Variants in TPST2 observed in about 807,000 individuals in gnomAD.
The protein encoded by TPST2 is protein-tyrosine sulfotransferase 2.
Under a neutral mutation model 27.8 loss-of-function variants are expected in TPST2, and 16 were observed. That is an observed-to-expected ratio of 0.58 (90% CI 0.39 to 0.88). TPST2 has a LOEUF of 0.88. Ranked by LOEUF, TPST2 falls within the 40% of genes least tolerant of loss-of-function variation. The pLI, the probability that TPST2 is intolerant of heterozygous loss-of-function variation, is 0.00. For synonymous variants in TPST2, 229 were observed against 231.7 expected, an observed-to-expected ratio of 0.99 and a Z score of 0.10; for missense variants, 464 against 543.1, an observed-to-expected ratio of 0.85 and a Z score of 1.45.
intron 1 of TPST2, among the ~76,000 whole-genome samples, chr22:26,570,458 A>G (rs1465749687): frequency 6.6e-6 from 1 of 152,076 alleles, no homozygotes; most frequent in Non-Finnish European, 1.5e-5. Context: ...CTTTCTCTAC[A>G]GCCCCATGAA....
intron 1 of TPST2, among the ~76,000 whole-genome samples, chr22:26,579,707 T>C (rs546127693): frequency 1.3e-5 from 2 of 151,902 alleles, no homozygotes; most frequent in Admixed American, 6.6e-5. Context: ...GGCACCTGTG[T>C]GGGCTTGGGG....
At chr22:26,585,997 C>T (rs1252103927) in intron 1 of TPST2, among the ~76,000 whole-genome samples, 1 of 152,214 alleles carries the variant, frequency 6.6e-6, no homozygotes, top group Non-Finnish European at 1.5e-5. Flanking sequence ...GAGCCGAGAT[C>T]ACGCCACTGC....
At chr22:26,563,559 G>A (rs1927229975) in intron 1 of TPST2, among the ~76,000 whole-genome samples, 1 of 151,878 alleles carries the variant, frequency 6.6e-6, no homozygotes, top group Non-Finnish European at 1.5e-5. Context: ...TCAATCTCCT[G>A]ACCTTGTGAT....
chr22:26,535,579 G>C (rs577874344), intron 4 of TPST2, among the ~76,000 whole-genome samples: 1 of 152,324 alleles, frequency 6.6e-6, no homozygotes, highest in African/African-American at 2.4e-5. Flanking sequence ...AGGAGTTCTA[G>C]ACCAGCCTGG....
intron 3 of TPST2, among the ~76,000 whole-genome samples, chr22:26,538,858 G>C (rs1925633853): frequency 6.6e-6 from 1 of 152,138 alleles, no homozygotes; most frequent in African/African-American, 2.4e-5. Flanking sequence ...TGCTACCAAA[G>C]AGTGCTGGCT....
At chr22:26,544,703 AGGGAT>A in intron 1 of TPST2, 28 bp from the exon 2 acceptor site, 2 of 984,814 alleles carry the variant, frequency 2.0e-6, no homozygotes, top group Non-Finnish European at 2.4e-6. Context: ...ATATTGCATC[AGGGAT>A]GGGCACTGTG....
chr22:26,580,909 G>A (rs1310115878), intron 1 of TPST2, among the ~76,000 whole-genome samples: 1 of 152,046 alleles, frequency 6.6e-6, no homozygotes, highest in African/African-American at 2.4e-5. Flanking sequence ...GCAGCCTCCA[G>A]GGCAAAATTC....
chr22:26,555,335 G>C, intron 1 of TPST2: 1 of 504,932 alleles, frequency 2.0e-6, no homozygotes, highest in South Asian at 1.4e-5. Flanking sequence ...CCTGGGCCAG[G>C]CTCAGGAATG....
intron 1 of TPST2, among the ~76,000 whole-genome samples, chr22:26,589,721 C>A (rs1928480517): frequency 6.6e-6 from 1 of 152,094 alleles, no homozygotes; most frequent in Non-Finnish European, 1.5e-5. Context: ...GCGCCGCCCT[C>A]CCCCCCAGTC....
intron 1 of TPST2, among the ~76,000 whole-genome samples, chr22:26,564,531 A>G (rs951121069): frequency 1.3e-5 from 2 of 152,176 alleles, no homozygotes; most frequent in Admixed American, 6.5e-5. Flanking sequence ...TGAGTCCCCA[A>G]CTTTGCTCTC....
In TPST2 at chr22:26,541,050, G is replaced by T; in HGVS notation, c.581C>A (p.Thr194Lys). 1 of 1,613,870 alleles carries T rather than the reference G, an allele frequency of 6.2e-7. No homozygotes were observed. Among genetic ancestry groups the T allele is most frequent in the South Asian group, 1.1e-5 (1 of 91,086 alleles). ...DGRASVHSMI[T>K]RKVTIAGFDL... ...AAAGCCCGCAATGGTGACTTTGCGC[G>T]TGATCATGGAGTGCACGGAGGCCCG... The change falls in exon 3 of 7, where the codon ACG becomes AAG. Residue 194 changes from threonine (T) to lysine (K), a missense_variant. Transcript: ENST00000338754. This position sits in a 1 kb window ranked among gnomAD's most constrained non-coding sequence, Gnocchi z 5.9.
chr22:26,587,861 G>A (rs1928401766), intron 1 of TPST2, among the ~76,000 whole-genome samples: 2 of 152,082 alleles, frequency 1.3e-5, no homozygotes, highest in African/African-American at 4.8e-5. Flanking sequence ...GGGAGCCTGA[G>A]GTAGGAGGAT....
At chr22:26,534,531 G>T (rs1925342530) in intron 4 of TPST2, among the ~76,000 whole-genome samples, 1 of 152,192 alleles carries the variant, frequency 6.6e-6, no homozygotes, top group Non-Finnish European at 1.5e-5. Flanking sequence ...ATAAAGTCAG[G>T]CTTTACTCCA....
chr22:26,563,375 C>A (rs1286506419), intron 1 of TPST2, among the ~76,000 whole-genome samples: 1 of 144,664 alleles, frequency 6.9e-6, no homozygotes, highest in African/African-American at 2.6e-5. Flanking sequence ...CCAGCCCAGG[C>A]TGGAGTGCAG....
chr22:26,567,542 G>A (rs75228647), intron 1 of TPST2, among the ~76,000 whole-genome samples: 7,407 of 152,310 alleles, frequency 0.049, 255 homozygotes, highest in East Asian at 0.083. Flanking sequence ...TTTAGAGAGG[G>A]AAACTGAGGC....
chr22:26,572,758 C>T (rs767207028), intron 1 of TPST2, among the ~76,000 whole-genome samples: 5 of 152,112 alleles, frequency 3.3e-5, no homozygotes, highest in African/African-American at 7.2e-5. Context: ...GGCTGGGAGG[C>T]ATTGCAGTCT....
In TPST2 at chr22:26,540,921, T is replaced by C; in HGVS notation, c.710A>G (p.Tyr237Cys). The C allele has an allele frequency of 1.2e-6, 2 of 1,614,184 alleles. No individual in the cohort carries two copies. The highest frequency in any genetic ancestry group is 1.7e-6 in the Non-Finnish European group (2 of 1,180,028). ...GGGGTGCAGCACCAGCTGCTCGTAG[T>C]ACACAGGCAGGCACTTCTCCTTGCC... ...EVGKEKCLPV[Y>C]YEQLVLHPRR... The change falls in exon 3 of 7, where the codon TAC becomes TGC. Residue 237 changes from tyrosine to cysteine, a missense_variant. Physicochemically the swap from Tyr to Cys is radical, Grantham distance 194 (BLOSUM62 -2). Transcript: ENST00000338754.
In TPST2 at chr22:26,524,822, A is replaced by C. The variant is rs780347529; in HGVS notation, c.*1453T>G. The C allele has an allele frequency of 6.6e-6, 1 of 152,274 alleles. No homozygotes were observed. The highest frequency in any genetic ancestry group is 2.4e-5 in the African/African-American group (1 of 41,458). The allele number at this position is 152,274 out of a possible 1,614,324, so 9.4% of individuals were successfully genotyped here. On this transcript the variant is annotated 3_prime_UTR_variant, in exon 7 of 7. Coordinates refer to ENST00000338754, the MANE Select transcript of TPST2 (RefSeq NM_003595.5). ...GTCCAAACCCAGCACATCTCAAAGAAAAAACTGGCCTTAATGGGCTCCTGG... is the reference window on the plus strand; with the variant it reads ...GTCCAAACCCAGCACATCTCAAAGACAAAACTGGCCTTAATGGGCTCCTGG...
chr22:26,528,879 G>A (rs1315925077), intron 5 of TPST2, among the ~76,000 whole-genome samples: 1 of 152,112 alleles, frequency 6.6e-6, no homozygotes, highest in African/African-American at 2.4e-5. Context: ...CTACTCAGGA[G>A]GCTGAGGCAG....
Sources: gnomAD v4.1 joint callset for allele counts (sites outside exome capture counted in the v4.1 genomes callset) on GRCh38, gnomAD v4.1.1 for gene constraint, Gnocchi (gnomAD v3.1) non-coding constraint, MANE v1.5 for transcripts, NCBI Gene and HGNC (gene_info 2026-07-23, HGNC 2026-07-21) for gene names.